STK39: variants seen among roughly 807,000 people sequenced by gnomAD.
The protein encoded by STK39 is serine/threonine kinase 39.
In STK39, 20 loss-of-function variants were observed where a neutral mutation model predicts 77.8. The observed-to-expected ratio is 0.26, with a 90% confidence interval of 0.18 to 0.37. The LOEUF (loss-of-function observed/expected upper bound fraction) is 0.37, where lower values mean the gene tolerates loss of function less well. Ranked by LOEUF, STK39 falls within the 10% of genes least tolerant of loss-of-function variation. The pLI is 1.00. For missense variants in STK39, 479 were observed against 656.5 expected (o/e 0.73, Z 2.95); for synonymous variants, 246 against 234.1 (o/e 1.05, Z -0.47).
chr2:168,123,395 A>G (rs1383891913), intron 10 of STK39, among the ~76,000 whole-genome samples: 21 of 152,216 alleles, frequency 1.4e-4, no homozygotes, highest in Admixed American at 1.4e-3. Flanking sequence ...TACTGTTGCT[A>G]GGTAAGAGAG....
At chr2:168,167,714 T>G (rs1035384142) in intron 2 of STK39, among the ~76,000 whole-genome samples, 1 of 152,124 alleles carries the variant, frequency 6.6e-6, no homozygotes, top group East Asian at 1.9e-4. Context: ...CCCTGCCACA[T>G]AGGACTAAGA....
At position 168,129,767 on chromosome 2, in the gene STK39, T is replaced by A; in HGVS notation, c.975-9A>T. On this transcript the variant is annotated splice_polypyrimidine_tract_variant and intron_variant, in intron 8 of 17. Transcript: ENST00000355999. Reference sequence around the variant, plus strand: ...GTTCTGCTGCTGTGGGCCTGAAAGATCAATAATAAATTAGAGTTGAAACAA... The same window carrying A: ...GTTCTGCTGCTGTGGGCCTGAAAGAACAATAATAAATTAGAGTTGAAACAA... 1 of 1,613,312 alleles carries A rather than the reference T, an allele frequency of 6.2e-7. No homozygotes were observed. Among genetic ancestry groups the A allele is most frequent in the African/African-American group, 1.3e-5 (1 of 75,032 alleles).
In STK39 at chr2:168,066,360, C is replaced by T. The variant is rs902624163; in HGVS notation, c.1243-979G>A. Among the ~76,000 whole-genome samples, 3 of 152,282 alleles carry T rather than the reference C, an allele frequency of 2.0e-5. No individual in the cohort carries two copies. The East Asian group carries it at 5.8e-4, about 29-fold the overall frequency. On this transcript the variant is annotated intron_variant, in intron 12 of 17. Coordinates refer to ENST00000355999, the MANE Select transcript of STK39 (RefSeq NM_013233.3). ...TGATGATACCTAGATTATAGGTATA[C>T]GGCGTTCACTATAAAATGTTTTAAT... is the stretch of plus-strand genomic sequence containing the variant.
intron 10 of STK39, among the ~76,000 whole-genome samples, chr2:168,099,300 AG>A (rs1686758504): frequency 6.6e-6 from 1 of 152,260 alleles, no homozygotes; most frequent in Non-Finnish European, 1.5e-5. Context: ...CTAATACATC[AG>A]AGTGTTTCTT....
chr2:168,186,275 C>T lies in STK39; in HGVS notation c.209-4185G>A, dbSNP rs1034829714. The stretch of plus-strand genomic sequence containing the variant: ...GAAGTGGTCAGCACATTGATCTGGA[C>T]TTCCTAGACTCCAGAACTGTGAGAA... On this transcript the variant is annotated intron_variant, in intron 1 of 17. Transcript: ENST00000355999. Among the ~76,000 whole-genome samples the T allele has an allele frequency of 3.3e-5, 5 of 152,280 alleles. No individual in the cohort carries two copies. In the South Asian group the frequency reaches 6.2e-4, roughly 19 times the overall value.
chr2:168,065,802 A>T (rs550649843), intron 12 of STK39, among the ~76,000 whole-genome samples: 1 of 152,356 alleles, frequency 6.6e-6, no homozygotes, highest in South Asian at 2.1e-4. Context: ...GTTGGGGTTA[A>T]TAAAACCTGC....
At chr2:167,989,321 C>T (rs1455279502) in intron 16 of STK39, among the ~76,000 whole-genome samples, 1 of 152,182 alleles carries the variant, frequency 6.6e-6, no homozygotes, top group Non-Finnish European at 1.5e-5. Context: ...AAAAGTCCAA[C>T]ACTTAGTAAG....
chr2:167,983,398 G>C (rs753550624), intron 16 of STK39, among the ~76,000 whole-genome samples: 8 of 142,566 alleles, frequency 5.6e-5, no homozygotes, highest in Non-Finnish European at 1.0e-4. Flanking sequence ...AGAATCGCTT[G>C]AACCCAGATT....
intron 17 of STK39, among the ~76,000 whole-genome samples, 196 bp from the exon 18 acceptor site, chr2:167,955,766 C>A (rs528005793): frequency 6.6e-6 from 1 of 152,276 alleles, no homozygotes; most frequent in Admixed American, 6.5e-5. Context: ...CTGTGGCCAT[C>A]ATGCTATGAA....
intron 10 of STK39, among the ~76,000 whole-genome samples, chr2:168,098,861 G>A (rs1285508115): frequency 3.3e-5 from 5 of 152,172 alleles, no homozygotes; most frequent in Non-Finnish European, 5.9e-5. Context: ...TTCCCTCCCC[G>A]CCAATCTGGC....
chr2:168,216,662 T>C (rs554797768), intron 1 of STK39, among the ~76,000 whole-genome samples: 53 of 152,066 alleles, frequency 3.5e-4, no homozygotes, highest in Non-Finnish European at 6.0e-4. Flanking sequence ...GAAATACGAG[T>C]TTTTAGGCAA....
intron 10 of STK39, among the ~76,000 whole-genome samples, chr2:168,076,140 A>G (rs1394527174): frequency 6.6e-6 from 1 of 152,224 alleles, no homozygotes; most frequent in African/African-American, 2.4e-5. Flanking sequence ...CCATGGTCCA[A>G]GGATTCAGAG....
intron 4 of STK39, among the ~76,000 whole-genome samples, chr2:168,162,890 GGTGC>G (rs1553536753): frequency 6.6e-6 from 1 of 151,928 alleles, no homozygotes; most frequent in Non-Finnish European, 1.5e-5. Context: ...AGCCAGGCAT[GGTGC>G]CGCATGCCTG....
Position 168,129,545 on chromosome 2 carries a change from T to C in STK39, c.1085A>G (p.Lys362Arg). Residue 362 changes from lysine (K) to arginine (R), a missense_variant, in exon 10 of 18, where the codon AAA (lysine) becomes AGA (arginine). Physicochemically the swap from Lys to Arg is conservative, Grantham distance 26. Coordinates refer to ENST00000355999, the MANE Select transcript of STK39 (RefSeq NM_013233.3). The stretch of plus-strand genomic sequence containing the variant: ...ATGAAGGCTAATGGCACTTACCTTT[T>C]TGGCTCTTTGGGCTATGTCTGGTGT... Reference protein sequence around the residue: ...TRTPDIAQRAKKVRRVPGSSG... With the variant: ...TRTPDIAQRARKVRRVPGSSG... 1 of 1,614,120 alleles carries C rather than the reference T, an allele frequency of 6.2e-7. No individual in the cohort carries two copies. The highest frequency in any genetic ancestry group is 8.5e-7 in the Non-Finnish European group (1 of 1,179,956).
intron 10 of STK39, among the ~76,000 whole-genome samples, chr2:168,095,253 G>A (rs1686632180): frequency 6.6e-6 from 1 of 152,134 alleles, no homozygotes; most frequent in Admixed American, 6.5e-5. Context: ...AAGATCTAAG[G>A]CTTCCACACT....
intron 14 of STK39, among the ~76,000 whole-genome samples, chr2:168,051,663 G>A (rs1206950388): frequency 2.6e-5 from 4 of 152,120 alleles, no homozygotes; most frequent in Non-Finnish European, 5.9e-5. Flanking sequence ...TTGTTGCCCA[G>A]GCTGGTCTCA....
intron 14 of STK39, among the ~76,000 whole-genome samples, chr2:168,055,137 C>T (rs1314473038): frequency 6.6e-6 from 1 of 152,178 alleles, no homozygotes; most frequent in Non-Finnish European, 1.5e-5. Context: ...TATGCCTACA[C>T]TATTTAACCT....
intron 10 of STK39, among the ~76,000 whole-genome samples, chr2:168,105,874 T>C (rs1260590554): frequency 6.6e-6 from 1 of 152,250 alleles, no homozygotes; most frequent in Non-Finnish European, 1.5e-5. Flanking sequence ...AGAACTCTTG[T>C]GTTCCTTAAA....
chr2:168,210,344 C>A (rs1689859647), intron 1 of STK39, among the ~76,000 whole-genome samples: 1 of 152,026 alleles, frequency 6.6e-6, no homozygotes, highest in African/African-American at 2.4e-5. Context: ...CCATTTTTTT[C>A]CCACCCCTTC....
Sources: allele counts gnomAD v4.1 joint callset (sites outside exome capture counted in the v4.1 genomes callset), GRCh38; gene constraint gnomAD v4.1.1; transcripts MANE v1.5; gene names NCBI Gene and HGNC (gene_info 2026-07-23, HGNC 2026-07-21).